Variants in DCAF6 observed in about 807,000 individuals in gnomAD.
DCAF6 encodes the protein DDB1- and CUL4-associated factor 6.
DCAF6 carries 54 observed loss-of-function variants against 125.1 expected under a neutral mutation model. That is an observed-to-expected ratio of 0.43 (90% CI 0.35 to 0.54). The LOEUF is 0.54. Ranked by LOEUF, DCAF6 falls within the 20% of genes least tolerant of loss-of-function variation. The pLI is 0.01. For missense variants in DCAF6, 934 were observed against 1,161.7 expected (o/e 0.80, Z 2.85); for synonymous variants, 371 against 390.4 (o/e 0.95, Z 0.58).
chr1:167,939,251 T>A (rs1047908189), intron 1 of DCAF6, among the ~76,000 whole-genome samples: 4 of 152,066 alleles, frequency 2.6e-5, no homozygotes, highest in African/African-American at 7.2e-5. Context: ...TGGTTTTTTT[T>A]AAAAAATGAC....
At chr1:167,975,802 C>G (rs1370703463) in intron 4 of DCAF6, among the ~76,000 whole-genome samples, 1 of 152,180 alleles carries the variant, frequency 6.6e-6, no homozygotes, top group Non-Finnish European at 1.5e-5. Flanking sequence ...ATCCTCCCAC[C>G]TTGGCCTCTC....
chr1:167,900,268 C>G, the DCAF6 span, among the ~76,000 whole-genome samples: 72 of 152,250 alleles, frequency 4.7e-4, no homozygotes, highest in Non-Finnish European at 9.0e-4. Context: ...TATCTTCGCT[C>G]TCTGCTATAC....
At chr1:167,924,334 C>G in the DCAF6 span, 1 of 512,778 alleles carries the variant, frequency 2.0e-6, no homozygotes, top group East Asian at 3.4e-5. Flanking sequence ...TAGATAGTTG[C>G]TTTATGTAGA....
the DCAF6 span, chr1:167,924,588 C>A: frequency 3.0e-6 from 4 of 1,344,158 alleles, no homozygotes; most frequent in South Asian, 1.5e-5. Context: ...ATATATTATA[C>A]ACGTCTTTTA....
intron 12 of DCAF6, among the ~76,000 whole-genome samples, chr1:168,034,554 A>T (rs1470347163): frequency 1.3e-5 from 2 of 152,220 alleles, no homozygotes; most frequent in Non-Finnish European, 2.9e-5. Flanking sequence ...CTAGAGAAAA[A>T]ATTAAGCTTA....
chr1:168,039,693 A>C (rs955586540), intron 13 of DCAF6, among the ~76,000 whole-genome samples: 2 of 144,400 alleles, frequency 1.4e-5, no homozygotes, highest in African/African-American at 5.3e-5. Context: ...AATATATTAA[A>C]TATTTAATTG....
chr1:168,059,454 T>C (rs1310960524), intron 17 of DCAF6, among the ~76,000 whole-genome samples: 1 of 152,036 alleles, frequency 6.6e-6, no homozygotes, highest in African/African-American at 2.4e-5. Flanking sequence ...GGCAAGACCC[T>C]TCCTTCTCTT....
chr1:167,968,947 AT>A (rs1676880961), intron 3 of DCAF6, among the ~76,000 whole-genome samples: 1 of 152,210 alleles, frequency 6.6e-6, no homozygotes, highest in Non-Finnish European at 1.5e-5. Flanking sequence ...GCAATGTGAA[AT>A]TTACTTCATT....
At chr1:168,004,411 T>C in intron 9 of DCAF6, 122 bp from the exon 10 acceptor site, 1 of 1,120,430 alleles carries the variant, frequency 8.9e-7, no homozygotes. Flanking sequence ...CAGTAGTTAT[T>C]ATCACTGAAA....
intron 12 of DCAF6, among the ~76,000 whole-genome samples, chr1:168,032,879 G>A (rs769381493): frequency 2.6e-5 from 4 of 152,058 alleles, no homozygotes; most frequent in Non-Finnish European, 4.4e-5. Context: ...TGAATATTTG[G>A]TTTAGATTTA....
At position 167,963,861 on chromosome 1, in the gene DCAF6, A is replaced by C. The variant is rs565768957; in HGVS notation, c.160-2768A>C. 2.6e-5 allele frequency among the ~76,000 whole-genome samples: 4 copies of C among 152,336 alleles called. No homozygotes were observed. In the South Asian group the frequency reaches 8.3e-4, roughly 32 times the overall value. On this transcript the variant is annotated intron_variant, in intron 2 of 21. Coordinates refer to ENST00000367840, the MANE Select transcript of DCAF6 (RefSeq NM_001198956.2). Reference sequence around the variant, plus strand: ...TTCACTATACATGTACAACAAATCTAAGTCCACTTTATTTCAAATAACACT... The same window carrying C: ...TTCACTATACATGTACAACAAATCTCAGTCCACTTTATTTCAAATAACACT...
At chr1:167,911,149 G>A in the DCAF6 span, among the ~76,000 whole-genome samples, 3 of 152,224 alleles carry the variant, frequency 2.0e-5, no homozygotes. Flanking sequence ...GTAAGAATGA[G>A]TGTTCAAACT....
At position 167,980,071 on chromosome 1, in the gene DCAF6, C is replaced by T. The variant is rs80084446; in HGVS notation, c.438+5056C>T. Among the ~76,000 whole-genome samples, 695 of 152,094 alleles carry T rather than the reference C, an allele frequency of 4.6e-3. 8 individuals are homozygous for T. In the East Asian group the frequency reaches 0.057, roughly 13 times the overall value. On this transcript the variant is annotated intron_variant, in intron 4 of 21. Transcript: ENST00000367840. Reference sequence around the variant, plus strand: ...TGGCATGTGCCTATAGTCCCAGTTACTTGGGAGGCTGAGGCAGGAGAATCA... The same window carrying T: ...TGGCATGTGCCTATAGTCCCAGTTATTTGGGAGGCTGAGGCAGGAGAATCA...
chr1:168,032,936 G>A (rs981467140), intron 12 of DCAF6, among the ~76,000 whole-genome samples: 1 of 152,018 alleles, frequency 6.6e-6, no homozygotes, highest in South Asian at 2.1e-4. Flanking sequence ...AAGTCTGAAC[G>A]TCCTTATTAG....
the DCAF6 span, chr1:167,919,914 A>AC: frequency 7.9e-7 from 1 of 1,264,220 alleles, no homozygotes; most frequent in African/African-American, 1.5e-5. Flanking sequence ...TCTCAAAAAA[A>AC]AAAAAAATTA....
intron 1 of DCAF6, among the ~76,000 whole-genome samples, chr1:167,947,508 T>G (rs765569155): frequency 3.9e-5 from 6 of 152,168 alleles, no homozygotes; most frequent in Non-Finnish European, 8.8e-5. Context: ...AATTTATTGC[T>G]GTGTTCTTCT....
At chr1:167,987,655 A>G in intron 5 of DCAF6, 47 bp downstream of exon 5, 3 of 968,942 alleles carry the variant, frequency 3.1e-6, no homozygotes, top group African/African-American at 1.6e-5. Context: ...AATTAAGGTT[A>G]TAATTAAAAT....
intron 12 of DCAF6, 153 bp downstream of exon 12, chr1:168,023,200 C>A: frequency 1.3e-6 from 1 of 769,094 alleles, no homozygotes; most frequent in South Asian, 1.6e-5. Flanking sequence ...TGGTATTGTA[C>A]ATAAAAGGTC....
At chr1:167,883,515 G>A in the DCAF6 span, 2 of 1,614,232 alleles carry the variant, frequency 1.2e-6, no homozygotes, top group Non-Finnish European at 1.7e-6. Flanking sequence ...AGGCATCCTG[G>A]ATGGCTGGGC....
Sources: gnomAD v4.1 joint callset for allele counts (sites outside exome capture counted in the v4.1 genomes callset) on GRCh38, gnomAD v4.1.1 for gene constraint, MANE v1.5 for transcripts, NCBI Gene and HGNC (gene_info 2026-07-23, HGNC 2026-07-21) for gene names.